PREX1: variants seen among roughly 807,000 people sequenced by gnomAD.
PREX1 encodes phosphatidylinositol-3,4,5-trisphosphate dependent Rac exchange factor 1.
Under a neutral mutation model 198.3 loss-of-function variants are expected in PREX1, and 41 were observed. The observed-to-expected ratio is 0.21, with a 90% confidence interval of 0.16 to 0.27. The LOEUF is 0.27. Among genes scored for constraint, PREX1 ranks in the 10% least tolerant of loss-of-function variants. The pLI, the probability that PREX1 is intolerant of heterozygous loss-of-function variation, is 1.00. For missense variants in PREX1, 1,620 were observed against 2,200.7 expected (o/e 0.74, Z 5.28); for synonymous variants, 843 against 887.2 (o/e 0.95, Z 0.89).
At chr20:48,677,251 C>T (rs2089715735) in intron 13 of PREX1, among the ~76,000 whole-genome samples, 1 of 152,158 alleles carries the variant, frequency 6.6e-6, no homozygotes, top group Non-Finnish European at 1.5e-5. Context: ...AGCAGAGGAG[C>T]CCAGGAGGGC....
Position 48,649,316 on chromosome 20 carries a change from C to T in PREX1, c.3289G>A (p.Val1097Ile), listed in dbSNP as rs1188279149. The change falls in exon 25 of 40, where the codon GTC (valine) becomes ATC (isoleucine). Residue 1097 changes from valine to isoleucine, a missense_variant. Val to Ile is a conservative substitution (Grantham distance 29). Transcript: ENST00000371941. ...AGCGCTCACCTGTTGATCTGGGTGACATATTGCTTCATCTCCTTCAGGGCC... is the reference window on the plus strand; with the variant it reads ...AGCGCTCACCTGTTGATCTGGGTGATATATTGCTTCATCTCCTTCAGGGCC... ...DVALKEMKQY[V>I]TQINRLLSTI... 1 of 1,613,632 alleles carries T rather than the reference C, an allele frequency of 6.2e-7. No homozygotes were observed. The highest frequency in any genetic ancestry group is 8.5e-7 in the Non-Finnish European group (1 of 1,179,826).
At chr20:48,872,376 C>T in the PREX1 span, among the ~76,000 whole-genome samples, 1 of 152,010 alleles carries the variant, frequency 6.6e-6, no homozygotes, top group African/African-American at 2.4e-5. Flanking sequence ...CTAGATTGTA[C>T]ACTCCTTGAA....
chr20:48,797,316 G>T (rs1270785917), intron 1 of PREX1, among the ~76,000 whole-genome samples: 2 of 151,836 alleles, frequency 1.3e-5, no homozygotes, highest in African/African-American at 2.4e-5. Flanking sequence ...AGGACAAAGG[G>T]CCAAATGACG....
chr20:48,744,921 C>G, intron 3 of PREX1, 104 bp downstream of exon 3: 1 of 1,434,804 alleles, frequency 7.0e-7, no homozygotes, highest in Non-Finnish European at 9.4e-7. Context: ...ATCTCCCAGA[C>G]AGGCCTACAG....
intron 1 of PREX1, among the ~76,000 whole-genome samples, chr20:48,764,081 G>A (rs1381904137): frequency 6.6e-6 from 1 of 152,134 alleles, no homozygotes; most frequent in Non-Finnish European, 1.5e-5. Context: ...CCTCTCTTGC[G>A]ATCTCAGCTT....
chr20:48,676,329 G>A, intron 13 of PREX1, 61 bp from the exon 14 acceptor site: 1 of 1,501,884 alleles, frequency 6.7e-7, no homozygotes, highest in South Asian at 1.1e-5. Context: ...GGTGGGGGTG[G>A]TCCTGACTTC....
chr20:48,660,535 G>A (rs1247333879), intron 15 of PREX1, among the ~76,000 whole-genome samples: 1 of 152,126 alleles, frequency 6.6e-6, no homozygotes, highest in Non-Finnish European at 1.5e-5. Context: ...ATAAGCTAAT[G>A]GATTAAAGAC....
intron 1 of PREX1, among the ~76,000 whole-genome samples, chr20:48,791,672 T>C (rs1454015506): frequency 1.3e-5 from 2 of 152,060 alleles, no homozygotes; most frequent in African/African-American, 4.8e-5. Context: ...GGTTCAGAAA[T>C]GTTTGAAATC....
the PREX1 span, among the ~76,000 whole-genome samples, chr20:48,868,113 C>G: frequency 2.0e-5 from 3 of 152,246 alleles, no homozygotes; most frequent in Non-Finnish European, 4.4e-5. Context: ...TCTTGAAACA[C>G]TTCTTATACT....
In PREX1 at chr20:48,703,443, C is replaced by T. The variant is rs530981968; in HGVS notation, c.784-2557G>A. 5.9e-5 allele frequency among the ~76,000 whole-genome samples: 9 copies of T among 152,332 alleles called. No homozygotes were observed. In the East Asian group the frequency reaches 1.7e-3, roughly 29 times the overall value. On this transcript the variant is annotated intron_variant, in intron 6 of 39. Transcript: ENST00000371941. ...CAGCCTGCCGCACCAAGACTCAGGG[C>T]TGTCATGAGGAAGAGCCCCTGGGAC... is the stretch of plus-strand genomic sequence containing the variant.
intron 15 of PREX1, among the ~76,000 whole-genome samples, chr20:48,665,273 C>G (rs1378281771): frequency 2.0e-5 from 3 of 151,436 alleles, no homozygotes; most frequent in African/African-American, 7.3e-5. Flanking sequence ...CCCAGACGGC[C>G]TGAATTCTAA....
At chr20:48,713,766 G>T (rs1233828992) in intron 5 of PREX1, among the ~76,000 whole-genome samples, 2 of 149,112 alleles carry the variant, frequency 1.3e-5, no homozygotes, top group Non-Finnish European at 3.0e-5. Context: ...AAAAGAGAGA[G>T]AGAGATAGGT....
chr20:48,841,023 C>T, the PREX1 span, among the ~76,000 whole-genome samples: 1 of 152,080 alleles, frequency 6.6e-6, no homozygotes, highest in East Asian at 1.9e-4. Context: ...TGGTCTCGAA[C>T]TCCTAGGCTC....
At chr20:48,831,185 C>T (rs996791253), upstream of PREX1, among the ~76,000 whole-genome samples, 4 of 152,162 alleles carry the variant, frequency 2.6e-5, no homozygotes, top group African/African-American at 7.2e-5. Flanking sequence ...AAGAAAAGTA[C>T]GAAGAAGACT....
In PREX1 at chr20:48,650,114, G is replaced by C; in HGVS notation, c.2910C>G (p.Thr970=). 1 of 1,614,026 alleles carries C rather than the reference G, an allele frequency of 6.2e-7. No homozygotes were observed. The highest frequency in any genetic ancestry group is 8.5e-7 in the Non-Finnish European group (1 of 1,179,866). The change falls in exon 24 of 40, where the codon ACC becomes ACG. Residue 970 remains threonine, a synonymous_variant. Coordinates refer to ENST00000371941, the MANE Select transcript of PREX1 (RefSeq NM_020820.4). ...CTTCCATGAGGTTGATGTGGCAATT[G>C]GTGGGGCAGAAGTCCAGGCCACACA... is the stretch of plus-strand genomic sequence containing the variant. The part of the protein sequence containing the change: ...HPLCGLDFCP[T]NCHINLMEVS...
At chr20:48,711,106 G>A (rs982714333) in intron 5 of PREX1, among the ~76,000 whole-genome samples, 1 of 152,240 alleles carries the variant, frequency 6.6e-6, no homozygotes, top group African/African-American at 2.4e-5. Context: ...TATAAAGTGG[G>A]AAGACCAGTT....
intron 14 of PREX1, among the ~76,000 whole-genome samples, chr20:48,667,419 G>A (rs191542439): frequency 4.5e-4 from 69 of 152,264 alleles, no homozygotes; most frequent in Middle Eastern, 3.4e-3. Flanking sequence ...TTCCCCCCCA[G>A]GTAAAAGGGA....
At chr20:48,800,015 G>A (rs1294557518) in intron 1 of PREX1, among the ~76,000 whole-genome samples, 1 of 152,218 alleles carries the variant, frequency 6.6e-6, no homozygotes, top group Non-Finnish European at 1.5e-5. Context: ...CTGTGGCGGA[G>A]GGGAGAGCCT....
chr20:48,808,061 A>G (rs560972894), intron 1 of PREX1, among the ~76,000 whole-genome samples: 3 of 152,292 alleles, frequency 2.0e-5, no homozygotes, highest in Non-Finnish European at 2.9e-5. Context: ...TCAGTAGGAA[A>G]GGGGAGGGGG....
Sources: gnomAD v4.1 joint callset for allele counts (sites outside exome capture counted in the v4.1 genomes callset) on GRCh38, gnomAD v4.1.1 for gene constraint, MANE v1.5 for transcripts, NCBI Gene and HGNC (gene_info 2026-07-23, HGNC 2026-07-21) for gene names.